The following GPBP1 variants were observed in gnomAD, a reference collection of about 807,000 sequenced individuals.
The protein encoded by GPBP1 is GC-rich promoter binding protein 1, also known as vasculin.
A neutral mutation model predicts 56.5 loss-of-function variants in GPBP1; 13 were observed. That is an observed-to-expected ratio of 0.23 (90% confidence interval 0.15 to 0.37). The LOEUF (loss-of-function observed/expected upper bound fraction) is 0.37, where lower values mean the gene tolerates loss of function less well. GPBP1 is among the 10% of genes least tolerant of loss of function. The probability of loss-of-function intolerance (pLI) is 1.00; values close to 1 mark genes in which losing one functional copy is unlikely to be tolerated. For missense variants in GPBP1, 477 were observed against 572.3 expected, an observed-to-expected ratio of 0.83 and a Z score of 1.70; for synonymous variants, 204 against 188.9, an observed-to-expected ratio of 1.08 and a Z score of -0.66.
intron 8 of GPBP1, among the ~76,000 whole-genome samples, chr5:57,248,489 G>A (rs1374214985): frequency 2.0e-5 from 3 of 147,780 alleles, no homozygotes; most frequent in South Asian, 4.3e-4. Context: ...GTGCAGTGGC[G>A]GGATCTCGGC....
chr5:57,261,327 A>C, intron 11 of GPBP1, 45 bp downstream of exon 11: 1 of 1,002,610 alleles, frequency 1.0e-6, no homozygotes, highest in South Asian at 1.3e-5. Context: ...AACTGCCCTT[A>C]TTTAGAACAA....
At chr5:57,251,948 T>C (rs1741412329) in intron 10 of GPBP1, among the ~76,000 whole-genome samples, 1 of 152,184 alleles carries the variant, frequency 6.6e-6, no homozygotes, top group African/African-American at 2.4e-5. Flanking sequence ...TTATTGGCCA[T>C]TTATCCTCTT....
At chr5:57,209,321 C>CA (rs1362673548) in intron 2 of GPBP1, among the ~76,000 whole-genome samples, 2 of 152,272 alleles carry the variant, frequency 1.3e-5, no homozygotes, top group East Asian at 3.9e-4. Context: ...GACACTGTCT[C>CA]ACTATGTTCC....
At chr5:57,175,028 C>T (rs1753738123) in intron 1 of GPBP1, among the ~76,000 whole-genome samples, 1 of 152,220 alleles carries the variant, frequency 6.6e-6, no homozygotes, top group Admixed American at 6.5e-5. Context: ...CTCTGAGTTA[C>T]ATTCGCTAAT....
intron 2 of GPBP1, among the ~76,000 whole-genome samples, chr5:57,209,241 A>G (rs1024086127): frequency 6.6e-6 from 1 of 152,168 alleles, no homozygotes; most frequent in Admixed American, 6.5e-5. Context: ...TTTATGTAAG[A>G]TCATGTAATC....
intron 10 of GPBP1, among the ~76,000 whole-genome samples, chr5:57,255,191 C>T (rs912985649): frequency 6.7e-6 from 1 of 149,216 alleles, no homozygotes; most frequent in African/African-American, 2.5e-5. Context: ...CGTCCTCTCT[C>T]TCTTCTCTCC....
chr5:57,244,490 G>A (rs1740991896), intron 6 of GPBP1, among the ~76,000 whole-genome samples: 1 of 152,108 alleles, frequency 6.6e-6, no homozygotes, highest in African/African-American at 2.4e-5. Context: ...TTAACACCTG[G>A]ATTCCTCTCA....
chr5:57,177,720 C>T (rs999474001), intron 2 of GPBP1, among the ~76,000 whole-genome samples: 11 of 137,186 alleles, frequency 8.0e-5, no homozygotes, highest in East Asian at 6.8e-4. Context: ...AGGCTAGCCT[C>T]GAACTCTTGA....
chr5:57,236,578 G>A (rs1267652867), intron 6 of GPBP1, among the ~76,000 whole-genome samples: 2 of 152,004 alleles, frequency 1.3e-5, no homozygotes, highest in Non-Finnish European at 2.9e-5. Context: ...CTTAATGAGA[G>A]TTCTTCTAGA....
chr5:57,193,967 T>TGTTA (rs1754640821), intron 2 of GPBP1, among the ~76,000 whole-genome samples: 1 of 152,208 alleles, frequency 6.6e-6, no homozygotes, highest in South Asian at 2.1e-4. Flanking sequence ...CGGAAACCAC[T>TGTTA]GTTAGTTTCT....
rs1289411974 is a variant in GPBP1, at chr5:57,263,446, T to TTG, written c.*696_*697dup. On this transcript the variant is annotated 3_prime_UTR_variant, in exon 12 of 12. Coordinates refer to ENST00000506184, the MANE Select transcript of GPBP1 (RefSeq NM_022913.4). Reference sequence around the variant, plus strand: ...TTTTCAAAAGCTTTATTGGGGTATGTTGTCAGACCAGGGTTTTCAGAGTTG... The same window carrying TTG: ...TTTTCAAAAGCTTTATTGGGGTATGTTGTGTCAGACCAGGGTTTTCAGAGTTG... 3 of 152,210 alleles carry TTG rather than the reference T, an allele frequency of 2.0e-5. No homozygotes were observed. Among genetic ancestry groups the TTG allele is most frequent in the African/African-American group, 7.2e-5 (3 of 41,458 alleles). 9.4% of individuals were successfully genotyped at this position (152,210 alleles called of 1,614,324 possible).
At position 57,250,945 on chromosome 5, in the gene GPBP1, A is replaced by C. The variant is rs1459190453; in HGVS notation, c.973-9A>C. 3 of 1,525,584 alleles carry C rather than the reference A, an allele frequency of 2.0e-6. No homozygotes were observed. The highest frequency in any genetic ancestry group is 2.7e-6 in the Non-Finnish European group (3 of 1,130,160). The allele number at this position is 1,525,584 out of a possible 1,614,324, so 94.5% of individuals were successfully genotyped here. ...TTCTTTTTTTTTTTTTTAACTCTCT[A>C]AAAATCAGGATGACGACTCATTTAA... On this transcript the variant is annotated splice_polypyrimidine_tract_variant and intron_variant, in intron 9 of 11. Coordinates refer to ENST00000506184, the MANE Select transcript of GPBP1 (RefSeq NM_022913.4).
intron 3 of GPBP1, among the ~76,000 whole-genome samples, chr5:57,229,742 C>T (rs1047372474): frequency 4.6e-5 from 7 of 151,550 alleles, no homozygotes; most frequent in Admixed American, 6.6e-5. Context: ...CTGTGTTGGC[C>T]GGACTGGTCT....
chr5:57,192,803 A>G (rs1754585151), intron 2 of GPBP1, among the ~76,000 whole-genome samples: 1 of 151,808 alleles, frequency 6.6e-6, no homozygotes, highest in South Asian at 2.1e-4. Flanking sequence ...TCTATTACGA[A>G]GGCTAATGTT....
chr5:57,218,761 G>T (rs759170607), intron 3 of GPBP1, among the ~76,000 whole-genome samples: 8 of 152,146 alleles, frequency 5.3e-5, no homozygotes, highest in African/African-American at 1.9e-4. Context: ...CACCACGCTC[G>T]AGCCAGAATC....
chr5:57,223,236 G>A (rs977531398), intron 3 of GPBP1, among the ~76,000 whole-genome samples: 20 of 152,052 alleles, frequency 1.3e-4, no homozygotes, highest in Admixed American at 9.8e-4. Context: ...GACTACACGC[G>A]TGTGCCACCA....
At chr5:57,223,229 T>G (rs989653195) in intron 3 of GPBP1, among the ~76,000 whole-genome samples, 1 of 152,102 alleles carries the variant, frequency 6.6e-6, no homozygotes, top group Admixed American at 6.6e-5. Context: ...TAGCCGGGAC[T>G]ACACGCGTGT....
At chr5:57,192,718 A>C (rs1754578425) in intron 2 of GPBP1, among the ~76,000 whole-genome samples, 1 of 136,584 alleles carries the variant, frequency 7.3e-6, no homozygotes, top group Non-Finnish European at 1.5e-5. Context: ...ACGCCATTGC[A>C]CTCCGGTCTG....
At chr5:57,248,490 G>C (rs925536080) in intron 8 of GPBP1, among the ~76,000 whole-genome samples, 1 of 144,202 alleles carries the variant, frequency 6.9e-6, no homozygotes, top group Admixed American at 7.4e-5. Flanking sequence ...TGCAGTGGCG[G>C]GATCTCGGCT....
Sources: gnomAD v4.1 joint callset for allele counts (sites outside exome capture counted in the v4.1 genomes callset) on GRCh38, gnomAD v4.1.1 for gene constraint, MANE v1.5 for transcripts, NCBI Gene and HGNC (gene_info 2026-07-23, HGNC 2026-07-21) for gene names.